The following OSBPL5 variants were observed in gnomAD, a reference collection of about 807,000 sequenced individuals.
OSBPL5 encodes oxysterol binding protein like 5, also known as oxysterol-binding protein-related protein 5.
Under a neutral mutation model 111.2 loss-of-function variants are expected in OSBPL5, and 71 were observed. The observed-to-expected ratio is 0.64, with a 90% CI of 0.53 to 0.78. The LOEUF (loss-of-function observed/expected upper bound fraction) is 0.78, where lower values mean the gene tolerates loss of function less well. OSBPL5 is among the 30% of genes least tolerant of loss of function. OSBPL5 has a pLI of 0.00. For synonymous variants in OSBPL5, 549 were observed against 513.9 expected (o/e 1.07, Z -0.93); for missense variants, 1,210 against 1,189.3 (o/e 1.02, Z -0.26).
At chr11:3,153,253 A>G (rs1846646917) in intron 1 of OSBPL5, among the ~76,000 whole-genome samples, 1 of 152,076 alleles carries the variant, frequency 6.6e-6, no homozygotes, top group Admixed American at 6.5e-5. Context: ...GGGTTAAAGG[A>G]GATAAGTCAT....
At chr11:3,157,999 G>A (rs1373791310) in intron 1 of OSBPL5, among the ~76,000 whole-genome samples, 5 of 152,200 alleles carry the variant, frequency 3.3e-5, no homozygotes, top group Non-Finnish European at 7.4e-5. Context: ...GCCTTCGTGG[G>A]AGCCTGGCTG....
In OSBPL5 at chr11:3,126,691, G is replaced by A; in HGVS notation, c.137-136C>T. 2 of 627,742 alleles carry A rather than the reference G, an allele frequency of 3.2e-6. No homozygotes were observed. The highest frequency in any genetic ancestry group is 6.0e-5 in the East Asian group (2 of 33,230). The allele number at this position is 627,742 out of a possible 1,614,324, so 38.9% of individuals were successfully genotyped here. ...GGCAGGAAGTCAGCCGGAGGTGGTGGCAGGAACAGGACACTGCCTGAGAGG... is the reference window on the plus strand; with the variant it reads ...GGCAGGAAGTCAGCCGGAGGTGGTGACAGGAACAGGACACTGCCTGAGAGG... On this transcript the variant is annotated intron_variant, in intron 2 of 21. Transcript: ENST00000263650. This position sits in a 1 kb window ranked among gnomAD's most constrained non-coding sequence, Gnocchi z 6.5.
rs1226488006 is a variant in OSBPL5, at chr11:3,126,901, C to T, written c.137-346G>A. On this transcript the variant is annotated intron_variant, in intron 2 of 21. Coordinates refer to ENST00000263650, the MANE Select transcript of OSBPL5 (RefSeq NM_020896.4). This position sits in a 1 kb window ranked among gnomAD's most constrained non-coding sequence, Gnocchi z 6.5. ...CCCAGTTTTCAGAAAAAGAATGTGA[C>T]ATCCAGTCTCAAAGACACATGGCAG... 1.3e-5 allele frequency among the ~76,000 whole-genome samples: 2 copies of T among 152,338 alleles called. No homozygotes were observed. Among genetic ancestry groups the T allele is most frequent in the Middle Eastern group, 3.4e-3 (1 of 294 alleles).
rs907930803 is a variant in OSBPL5 at position 3,093,466 on chromosome 11, C to T, written c.1946+61G>A. On this transcript the variant is annotated intron_variant, in intron 17 of 21. Transcript: ENST00000263650. ...CTCACAGCACTGTAGCCCTGCTGAC[C>T]TGCCTGCTTGGCCATGTCAGGCTGT... 1.7e-5 allele frequency: 27 copies of T among 1,584,480 alleles called. No homozygotes were observed. The East Asian group carries it at 5.6e-4, about 33-fold the overall frequency.
chr11:3,136,806 G>A (rs969177968), intron 1 of OSBPL5, among the ~76,000 whole-genome samples: 1 of 152,252 alleles, frequency 6.6e-6, no homozygotes, highest in Non-Finnish European at 1.5e-5. Context: ...CAGAGAGGAG[G>A]CTCTGGCCAC....
chr11:3,108,083 T>G, intron 7 of OSBPL5, 138 bp from the exon 8 acceptor site: 1 of 1,153,852 alleles, frequency 8.7e-7, no homozygotes, highest in Non-Finnish European at 1.2e-6. Context: ...CCCCTGGCCC[T>G]GCCCCAGCAG....
intron 7 of OSBPL5, among the ~76,000 whole-genome samples, chr11:3,112,802 C>T (rs1858051728): frequency 6.6e-6 from 1 of 152,162 alleles, no homozygotes; most frequent in South Asian, 2.1e-4. Context: ...CTCCCTCTAG[C>T]ACCACCAGAC....
rs1401524443 is a variant in OSBPL5, at chr11:3,162,177, C to A, written c.-22+3039G>T. ...CTGGCTGGAGAAGGGCTAGGAAGGC[C>A]ACGAAAGGGGAGCCTACTAGGTAGC... On this transcript the variant is annotated intron_variant, in intron 1 of 21. Transcript: ENST00000263650. The surrounding 1 kb of genome is among the most constrained non-coding windows in gnomAD (Gnocchi z 8.1). Among the ~76,000 whole-genome samples, 1 of 151,926 alleles carries A rather than the reference C, an allele frequency of 6.6e-6. No individual in the cohort carries two copies. The highest frequency in any genetic ancestry group is 1.5e-5 in the Non-Finnish European group (1 of 67,980).
chr11:3,154,177 G>C lies in OSBPL5; in HGVS notation c.-22+11039C>G, dbSNP rs562350912. 1.7e-3 allele frequency among the ~76,000 whole-genome samples: 260 copies of C among 152,370 alleles called. No homozygotes were observed. Among genetic ancestry groups the C allele is most frequent in the African/African-American group, 5.9e-3 (244 of 41,594 alleles). On this transcript the variant is annotated intron_variant, in intron 1 of 21. Transcript: ENST00000263650. This position sits in a 1 kb window ranked among gnomAD's most constrained non-coding sequence, Gnocchi z 4.9. ...GAGGTGTTTGCTAGACTGGGCCAGA[G>C]GGCAAAGGTGAAGGGGCGGCTGACA...
Position 3,147,865 on chromosome 11 carries a change from C to T in OSBPL5, c.-22+17351G>A, listed in dbSNP as rs372816920. ...GCGAGTGACCCGGGCCCTTCTGTCT[C>T]GTCTGGGTCTCCACCACCAAGAGCC... On this transcript the variant is annotated intron_variant, in intron 1 of 21. Coordinates refer to ENST00000263650, the MANE Select transcript of OSBPL5 (RefSeq NM_020896.4). 8.5e-5 allele frequency among the ~76,000 whole-genome samples: 13 copies of T among 152,288 alleles called. No individual in the cohort carries two copies. The East Asian group carries it at 1.4e-3, about 16-fold the overall frequency.
chr11:3,092,313 G>A lies in OSBPL5; in HGVS notation c.2259+119C>T, dbSNP rs1017625384. ...AGGAAAGGGGACGAGGGGGCTGGGG[G>A]ATGAGGGCGTGAGGGAAACGGAGCG... On this transcript the variant is annotated intron_variant, in intron 19 of 21. Transcript: ENST00000263650. This position sits in a 1 kb window ranked among gnomAD's most constrained non-coding sequence, Gnocchi z 5.4. 6.0e-6 allele frequency: 8 copies of A among 1,325,768 alleles called. No individual in the cohort carries two copies. The highest frequency in any genetic ancestry group is 8.0e-6 in the Non-Finnish European group (8 of 1,002,272). The allele number at this position is 1,325,768 out of a possible 1,614,324, so 82.1% of individuals were successfully genotyped here.
Position 3,119,699 on chromosome 11 carries a change from C to A in OSBPL5, c.607-68G>T, listed in dbSNP as rs369224080. 69 of 1,465,250 alleles carry A rather than the reference C, an allele frequency of 4.7e-5. No individual in the cohort carries two copies. In the East Asian group the frequency reaches 1.4e-3, roughly 29 times the overall value. 90.8% of individuals were successfully genotyped at this position (1,465,250 alleles called of 1,614,324 possible). On this transcript the variant is annotated intron_variant, in intron 6 of 21. Coordinates refer to ENST00000263650, the MANE Select transcript of OSBPL5 (RefSeq NM_020896.4). ...GGGCCAGCTGCACAGATAGGTCAGG[C>A]AGAACCATGCGGATCCACACCTGGG...
chr11:3,107,427 C>G lies in OSBPL5; in HGVS notation c.895G>C (p.Ala299Pro). The G allele has an allele frequency of 6.2e-7, 1 of 1,614,094 alleles. No homozygotes were observed. Residue 299 changes from alanine to proline, a missense_variant, in exon 9 of 22, where the codon GCA becomes CCA. Physicochemically the swap from Ala to Pro is conservative, Grantham distance 27. Transcript: ENST00000263650. This position sits in a 1 kb window ranked among gnomAD's most constrained non-coding sequence, Gnocchi z 6.1. ...TCTCTCTCCGACTTGTCTGAGAATG[C>G]ATCGTTCTCCAGGGAAGACCCGTTC... ...PLNGSSLENDAFSDKSERENP... is the reference protein window; with the variant it reads ...PLNGSSLENDPFSDKSERENP...
intron 1 of OSBPL5, among the ~76,000 whole-genome samples, chr11:3,164,907 T>C (rs1053926104): frequency 2.0e-5 from 3 of 151,936 alleles, no homozygotes; most frequent in African/African-American, 7.2e-5. Context: ...GGAGCCGAGC[T>C]GGGCGCGCCG....
At chr11:3,145,032 TG>T (rs1396650371) in intron 1 of OSBPL5, among the ~76,000 whole-genome samples, 1 of 152,222 alleles carries the variant, frequency 6.6e-6, no homozygotes, top group Admixed American at 6.5e-5. Context: ...CGGAGGCCTT[TG>T]GGGGGCAGCC....
intron 10 of OSBPL5, among the ~76,000 whole-genome samples, chr11:3,103,859 C>CAGCCCTCTTCCTGCCTCT (rs1564830734): frequency 1.5e-4 from 6 of 40,590 alleles, no homozygotes; most frequent in African/African-American, 3.9e-4. Flanking sequence ...TTCCAGTCTG[C>CAGCCCTCTTCCTGCCTCT]GCAGCCCCCT....
rs1173312812 is a variant in OSBPL5 at position 3,119,777 on chromosome 11, G to A, written c.607-146C>T. ...GGCCACCAGGTGGGGCCAGGCACCT[G>A]GCCAGGTAGACACTTGGCTGCAGAG... On this transcript the variant is annotated intron_variant, in intron 6 of 21. Transcript: ENST00000263650. 6.1e-6 allele frequency: 4 copies of A among 654,552 alleles called. No individual in the cohort carries two copies. The African/African-American group carries it at 7.8e-5, about 13-fold the overall frequency. 40.5% of individuals were successfully genotyped at this position (654,552 alleles called of 1,614,324 possible).
At chr11:3,159,119 CA>C (rs1448205630) in intron 1 of OSBPL5, among the ~76,000 whole-genome samples, 1 of 152,162 alleles carries the variant, frequency 6.6e-6, no homozygotes, top group Non-Finnish European at 1.5e-5. Context: ...ACACAAGGGA[CA>C]GCAGGTTGAG....
chr11:3,148,158 G>A (rs11605446), intron 1 of OSBPL5, among the ~76,000 whole-genome samples: 2,010 of 152,316 alleles, frequency 0.013, 34 homozygotes, highest in Non-Finnish European at 0.018. Flanking sequence ...TGTGTATACA[G>A]TACAGCCGGG....
Sources: gnomAD v4.1 joint callset for allele counts (sites outside exome capture counted in the v4.1 genomes callset) on GRCh38, gnomAD v4.1.1 for gene constraint, Gnocchi (gnomAD v3.1) non-coding constraint, MANE v1.5 for transcripts, NCBI Gene and HGNC (gene_info 2026-07-23, HGNC 2026-07-21) for gene names.